Variants in DOCK4 observed in about 807,000 individuals in gnomAD.
DOCK4 encodes the protein dedicator of cytokinesis 4.
In DOCK4, 97 loss-of-function variants were observed where a neutral mutation model predicts 268.1. The observed-to-expected ratio is 0.36, with a 90% CI of 0.31 to 0.43. DOCK4 has a LOEUF of 0.43. Among genes scored for constraint, DOCK4 ranks in the 20% least tolerant of loss-of-function variants. The pLI is 1.00. For synonymous variants in DOCK4, 954 were observed against 887.2 expected (o/e 1.08, Z -1.34); for missense variants, 2,145 against 2,455.7 (o/e 0.87, Z 2.67).
intron 1 of DOCK4, among the ~76,000 whole-genome samples, chr7:112,036,322 G>A (rs956041117): frequency 1.2e-4 from 18 of 152,244 alleles, no homozygotes; most frequent in Non-Finnish European, 2.2e-4. Flanking sequence ...AGGATTAATG[G>A]TGAGCACAGA....
At chr7:111,835,468 T>C (rs1159729729) in intron 25 of DOCK4, among the ~76,000 whole-genome samples, 1 of 152,150 alleles carries the variant, frequency 6.6e-6, no homozygotes, top group Non-Finnish European at 1.5e-5. Flanking sequence ...AAAGTAAACA[T>C]AGCATCTATG....
At chr7:111,770,157 A>C (rs1798031690) in intron 36 of DOCK4, among the ~76,000 whole-genome samples, 1 of 147,418 alleles carries the variant, frequency 6.8e-6, no homozygotes, top group Non-Finnish European at 1.5e-5. Context: ...ACTGGTGAGG[A>C]GGGGGTTCAG....
intron 1 of DOCK4, among the ~76,000 whole-genome samples, chr7:112,110,898 C>T (rs1811589045): frequency 6.6e-6 from 1 of 152,222 alleles, no homozygotes; most frequent in Non-Finnish European, 1.5e-5. Flanking sequence ...TGCGGACCCT[C>T]ACTCCCTGCC....
At chr7:112,120,922 G>A (rs1812672723) in intron 1 of DOCK4, among the ~76,000 whole-genome samples, 1 of 152,150 alleles carries the variant, frequency 6.6e-6, no homozygotes, top group African/African-American at 2.4e-5. Context: ...GCAGTCATTT[G>A]ACTGTAGGGG....
intron 1 of DOCK4, among the ~76,000 whole-genome samples, chr7:112,184,797 T>A (rs1306003280): frequency 2.0e-5 from 3 of 151,722 alleles, no homozygotes; most frequent in Non-Finnish European, 4.4e-5. Flanking sequence ...TCCCCCCCCC[T>A]TAGAGCTTGC....
At chr7:111,901,564 C>T (rs553534686) in intron 14 of DOCK4, 113 bp downstream of exon 14, 182 of 1,081,988 alleles carry the variant, frequency 1.7e-4, no homozygotes, top group Admixed American at 9.1e-4. Flanking sequence ...TAGAAAATAA[C>T]GCAAATCAGA....
intron 17 of DOCK4, among the ~76,000 whole-genome samples, chr7:111,872,870 C>T (rs190429029): frequency 6.6e-6 from 1 of 152,314 alleles, no homozygotes; most frequent in African/African-American, 2.4e-5. Context: ...CTACATGCTT[C>T]CACATCACAG....
At chr7:112,004,463 C>T (rs1800691598) in intron 1 of DOCK4, among the ~76,000 whole-genome samples, 1 of 152,130 alleles carries the variant, frequency 6.6e-6, no homozygotes. Context: ...TCACTGCTTT[C>T]TTCACTCCCT....
chr7:111,978,791 C>T (rs1243321301), intron 7 of DOCK4, among the ~76,000 whole-genome samples: 2 of 152,186 alleles, frequency 1.3e-5, no homozygotes, highest in East Asian at 3.8e-4. Flanking sequence ...ATTTACTTGT[C>T]ATTTGTATAG....
intron 46 of DOCK4, 72 bp from the exon 47 acceptor site, chr7:111,741,286 T>C: frequency 6.3e-7 from 1 of 1,577,436 alleles, no homozygotes. Flanking sequence ...TAGAATGCTA[T>C]GAAACCAAAG....
intron 25 of DOCK4, among the ~76,000 whole-genome samples, chr7:111,843,559 A>T (rs929822646): frequency 1.1e-4 from 16 of 152,192 alleles, no homozygotes; most frequent in African/African-American, 3.9e-4. Flanking sequence ...CACTCCAAAA[A>T]AACGGGTAAC....
At chr7:112,172,833 C>CT (rs1023979861) in intron 1 of DOCK4, among the ~76,000 whole-genome samples, 19 of 152,234 alleles carry the variant, frequency 1.2e-4, no homozygotes, top group African/African-American at 4.6e-4. Context: ...TTTCTTTAAA[C>CT]TTTTTGTTAT....
chr7:111,935,683 G>T (rs1794685901), intron 11 of DOCK4, 55 bp from the exon 12 acceptor site: 2 of 1,447,282 alleles, frequency 1.4e-6, no homozygotes, highest in South Asian at 1.2e-5. Context: ...GTCAAGCAGT[G>T]ATCCTCATAG....
chr7:112,180,393 G>A (rs770073624), intron 1 of DOCK4, among the ~76,000 whole-genome samples: 3 of 152,080 alleles, frequency 2.0e-5, no homozygotes, highest in Admixed American at 6.5e-5. Context: ...CTTTTACCCC[G>A]ACAGGTCCAC....
At chr7:111,789,192 G>C (rs1316277527) in intron 31 of DOCK4, 1 of 178,584 alleles carries the variant, frequency 5.6e-6, no homozygotes, top group Non-Finnish European at 1.2e-5. Flanking sequence ...AAAACAGTTT[G>C]AGGTTGCACT....
chr7:112,115,314 C>T (rs1445949217), intron 1 of DOCK4, among the ~76,000 whole-genome samples: 1 of 152,180 alleles, frequency 6.6e-6, no homozygotes, highest in Non-Finnish European at 1.5e-5. Context: ...TTTTTCAGTG[C>T]TATCTAGGTG....
chr7:111,938,216 C>T (rs926626409), intron 11 of DOCK4, among the ~76,000 whole-genome samples: 2 of 152,152 alleles, frequency 1.3e-5, no homozygotes, highest in Non-Finnish European at 2.9e-5. Flanking sequence ...CGGTCCTAAA[C>T]CACAGACTAT....
chr7:111,769,258 C>T (rs1444738554), intron 37 of DOCK4, among the ~76,000 whole-genome samples: 2 of 152,146 alleles, frequency 1.3e-5, no homozygotes, highest in Non-Finnish European at 2.9e-5. Flanking sequence ...TTGGACTCTC[C>T]TAGGGTCCTT....
At chr7:111,945,020 G>A in intron 9 of DOCK4, 149 bp from the exon 10 acceptor site, 1 of 698,748 alleles carries the variant, frequency 1.4e-6, no homozygotes, top group East Asian at 2.7e-5. Flanking sequence ...TTTAAATCCT[G>A]TTCTAAAAAT....
Sources: gnomAD v4.1 joint callset for allele counts (sites outside exome capture counted in the v4.1 genomes callset) on GRCh38, gnomAD v4.1.1 for gene constraint, MANE v1.5 for transcripts, NCBI Gene and HGNC (gene_info 2026-07-23, HGNC 2026-07-21) for gene names.